Variants in TCF7L2 observed in about 807,000 individuals in gnomAD.
The protein encoded by TCF7L2 is transcription factor 7-like 2.
In TCF7L2, 23 loss-of-function variants were observed where a neutral mutation model predicts 77.9. That is an observed-to-expected ratio of 0.30 (90% CI 0.21 to 0.42). The LOEUF is 0.42. Ranked by LOEUF, TCF7L2 falls within the 10% of genes least tolerant of loss-of-function variation. The pLI is 1.00. For missense variants in TCF7L2, 654 were observed against 793.1 expected, an observed-to-expected ratio of 0.82 and a Z score of 2.11; for synonymous variants, 413 against 340.2, an observed-to-expected ratio of 1.21 and a Z score of -2.36.
In TCF7L2 at chr10:113,054,650, A is replaced by G. The variant is rs185022863; in HGVS notation, c.552+14524A>G. ...CATGTACCTGCCACCTAAAATAACA[A>G]TTACTAATCTTTTCACCCTCCTAGC... On this transcript the variant is annotated intron_variant, in intron 5 of 13. Coordinates refer to ENST00000627217, the MANE Select transcript of TCF7L2 (RefSeq NM_001146274.2). Among the ~76,000 whole-genome samples the G allele has an allele frequency of 8.5e-5, 13 of 152,330 alleles. No homozygotes were observed. The East Asian group carries it at 1.2e-3, about 14-fold the overall frequency.
rs115633838 is a variant in TCF7L2, at chr10:113,154,601, C to G, written c.1269+2161C>G. Among the ~76,000 whole-genome samples, 464 of 152,222 alleles carry G rather than the reference C, an allele frequency of 3.0e-3. 2 individuals are homozygous for G. The highest frequency in any genetic ancestry group is 0.011 in the African/African-American group (446 of 41,530). The stretch of plus-strand genomic sequence containing the variant: ...GGTACAAGGCAGACTGTGATAGCTT[C>G]AAAAGAATACCGTGTTTGACTTGCC... On this transcript the variant is annotated intron_variant, in intron 11 of 13. Coordinates refer to ENST00000627217, the MANE Select transcript of TCF7L2 (RefSeq NM_001146274.2).
chr10:113,100,228 CAGA>C (rs1323318797), intron 5 of TCF7L2, among the ~76,000 whole-genome samples: 3 of 152,248 alleles, frequency 2.0e-5, no homozygotes, highest in Non-Finnish European at 2.9e-5. Flanking sequence ...GGGTACCTAG[CAGA>C]AGAAGAACGA....
At position 112,964,536 on chromosome 10, in the gene TCF7L2, G is replaced by A. The variant is rs772295229; in HGVS notation, c.382-20G>A. On this transcript the variant is annotated intron_variant, in intron 3 of 13. Coordinates refer to ENST00000627217, the MANE Select transcript of TCF7L2 (RefSeq NM_001146274.2). ...GTTTGTGACATAAGCAGAACGCTTT[G>A]ATTTGGTTTCTTTCTACAGCTCCAT... 6.2e-7 allele frequency: 1 copy of A among 1,611,882 alleles called. No homozygotes were observed. The highest frequency in any genetic ancestry group is 1.3e-5 in the African/African-American group (1 of 74,950).
intron 5 of TCF7L2, among the ~76,000 whole-genome samples, chr10:113,085,931 A>T (rs1438364509): frequency 6.6e-6 from 1 of 152,242 alleles, no homozygotes; most frequent in Non-Finnish European, 1.5e-5. Flanking sequence ...ATGAAATGAC[A>T]TGAAATAGCT....
intron 3 of TCF7L2, 53 bp downstream of exon 3, chr10:112,951,660 C>A: frequency 1.9e-6 from 2 of 1,042,740 alleles, no homozygotes; most frequent in Non-Finnish European, 2.3e-6. Flanking sequence ...CCGCGCCGCC[C>A]GCCGGGCCCC....
chr10:112,965,059 G>T (rs1280288146), intron 4 of TCF7L2, among the ~76,000 whole-genome samples: 1 of 152,046 alleles, frequency 6.6e-6, no homozygotes, highest in Non-Finnish European at 1.5e-5. Flanking sequence ...AAGGGGAGAG[G>T]TGGGAGAGGA....
At chr10:113,063,038 G>A (rs948630170) in intron 5 of TCF7L2, among the ~76,000 whole-genome samples, 8 of 152,242 alleles carry the variant, frequency 5.3e-5, no homozygotes, top group Admixed American at 4.6e-4. Context: ...CTGGACCTGC[G>A]AACTCTGAAT....
At chr10:113,032,608 T>C (rs779366690) in intron 4 of TCF7L2, among the ~76,000 whole-genome samples, 68 of 152,250 alleles carry the variant, frequency 4.5e-4, no homozygotes, top group Non-Finnish European at 8.5e-4. Flanking sequence ...TGCCTAACAG[T>C]TGATAAGAAA....
intron 3 of TCF7L2, among the ~76,000 whole-genome samples, chr10:112,955,662 T>C (rs2033361890): frequency 6.6e-6 from 1 of 152,200 alleles, no homozygotes; most frequent in Non-Finnish European, 1.5e-5. Context: ...CTAGGAGTTC[T>C]TCACCTTGAT....
chr10:113,073,074 A>G (rs2058224139), intron 5 of TCF7L2, among the ~76,000 whole-genome samples: 1 of 143,818 alleles, frequency 7.0e-6, no homozygotes, highest in South Asian at 2.2e-4. Context: ...GTGGCCAGCC[A>G]TGTGTACCTA....
At chr10:112,954,797 C>T (rs1273461884) in intron 3 of TCF7L2, among the ~76,000 whole-genome samples, 5 of 152,254 alleles carry the variant, frequency 3.3e-5, no homozygotes, top group South Asian at 2.1e-4. Flanking sequence ...CTTGATTATT[C>T]GAGCCCTTGC....
At chr10:113,067,944 G>A (rs2057462235) in intron 5 of TCF7L2, among the ~76,000 whole-genome samples, 1 of 152,036 alleles carries the variant, frequency 6.6e-6, no homozygotes, top group African/African-American at 2.4e-5. Context: ...TTGAGAACCA[G>A]GATTTTCCTT....
chr10:113,152,321 C>T lies in TCF7L2; in HGVS notation c.1162-12C>T, dbSNP rs1299943466. ...TCATGTCTTTCTCATCTGTACCCCA[C>T]GTCCCCTCCAGTGGCATGCACTGTC... On this transcript the variant is annotated splice_polypyrimidine_tract_variant and intron_variant, in intron 10 of 13. Coordinates refer to ENST00000627217, the MANE Select transcript of TCF7L2 (RefSeq NM_001146274.2). The T allele has an allele frequency of 5.6e-6, 9 of 1,607,298 alleles. No homozygotes were observed. Among genetic ancestry groups the T allele is most frequent in the East Asian group, 4.5e-5 (2 of 44,864 alleles).
chr10:113,017,840 C>T (rs935720279), intron 4 of TCF7L2, among the ~76,000 whole-genome samples: 3 of 152,228 alleles, frequency 2.0e-5, no homozygotes, highest in Admixed American at 2.0e-4. Flanking sequence ...CATAGCAGCA[C>T]TGCAAACAGA....
intron 5 of TCF7L2, among the ~76,000 whole-genome samples, chr10:113,131,018 G>T (rs374063013): frequency 1.3e-5 from 2 of 152,046 alleles, no homozygotes; most frequent in Admixed American, 1.3e-4. Context: ...CGCCCGTCTC[G>T]GTCTCCCAAA....
chr10:112,970,387 A>G (rs964109970), intron 4 of TCF7L2, among the ~76,000 whole-genome samples: 3 of 151,566 alleles, frequency 2.0e-5, no homozygotes, highest in African/African-American at 7.3e-5. Flanking sequence ...CTCCACCATG[A>G]ATCAGTAAGG....
At chr10:113,052,790 G>A (rs2054689537) in intron 5 of TCF7L2, among the ~76,000 whole-genome samples, 1 of 152,182 alleles carries the variant, frequency 6.6e-6, no homozygotes, top group African/African-American at 2.4e-5. Context: ...ATTTCTGAGA[G>A]TTACTCAAAC....
chr10:113,141,383 C>T (rs2068346968), intron 6 of TCF7L2, 67 bp downstream of exon 6: 1 of 1,605,408 alleles, frequency 6.2e-7, no homozygotes. Context: ...CCTTTGAGGC[C>T]TCCACAGGAA....
At chr10:113,147,524 G>A (rs923309417) in intron 8 of TCF7L2, among the ~76,000 whole-genome samples, 8 of 152,182 alleles carry the variant, frequency 5.3e-5, no homozygotes, top group Middle Eastern at 3.2e-3. Flanking sequence ...AAACGCTCGT[G>A]TGTTCTCTGG....
Sources: allele counts gnomAD v4.1 joint callset (sites outside exome capture counted in the v4.1 genomes callset), GRCh38; gene constraint gnomAD v4.1.1; transcripts MANE v1.5; gene names NCBI Gene and HGNC (gene_info 2026-07-23, HGNC 2026-07-21).